The following METTL6 variants were observed in gnomAD, a reference collection of about 807,000 sequenced individuals.
METTL6 encodes tRNA N(3)-cytidine methyltransferase METTL6.
In METTL6, 22 loss-of-function variants were observed where a neutral mutation model predicts 26.4. The ratio of observed to expected loss-of-function variants is 0.83; its 90% confidence interval spans 0.59 to 1.19. METTL6 has a LOEUF of 1.19. Ranked by LOEUF, METTL6 falls within the 50% of genes most tolerant of loss-of-function variation. The pLI is 0.00. For missense variants in METTL6, 304 were observed against 324.8 expected (o/e 0.94, Z 0.49); for synonymous variants, 109 against 116.2 (o/e 0.94, Z 0.40).
intron 6 of METTL6, among the ~76,000 whole-genome samples, chr3:15,400,732 AT>A (rs1699617468): frequency 6.6e-6 from 1 of 152,254 alleles, no homozygotes; most frequent in South Asian, 2.1e-4. Context: ...TCAGAAAAGT[AT>A]AAAGAAGAAA....
intron 6 of METTL6, among the ~76,000 whole-genome samples, chr3:15,399,010 G>A (rs1037278699): frequency 1.3e-5 from 2 of 152,130 alleles, no homozygotes; most frequent in African/African-American, 2.4e-5. Flanking sequence ...AAACCAAGAA[G>A]GTGAGGAAAG....
At chr3:15,390,934 G>A (rs571589354) in intron 6 of METTL6, among the ~76,000 whole-genome samples, 3 of 152,066 alleles carry the variant, frequency 2.0e-5, no homozygotes, top group Non-Finnish European at 4.4e-5. Context: ...GAAGGGTAGT[G>A]TATGCAGAGG....
At chr3:15,424,324 T>C (rs2061673619) in intron 3 of METTL6, among the ~76,000 whole-genome samples, 1 of 152,224 alleles carries the variant, frequency 6.6e-6, no homozygotes, top group Admixed American at 6.5e-5. Flanking sequence ...TGGAGTGCAG[T>C]GCTGCAATCT....
At chr3:15,408,733 C>T (rs1235418032), downstream of METTL6, among the ~76,000 whole-genome samples, 1 of 152,004 alleles carries the variant, frequency 6.6e-6, no homozygotes, top group Admixed American at 6.6e-5. Flanking sequence ...TACCACCATA[C>T]CTGGCTAATT....
intron 4 of METTL6, chr3:15,415,362 G>T: frequency 1.3e-6 from 1 of 764,114 alleles, no homozygotes; most frequent in Non-Finnish European, 2.1e-6. Context: ...TTGCTATGTT[G>T]GCCAGGCTGG....
chr3:15,394,188 C>T (rs201985689), intron 6 of METTL6, among the ~76,000 whole-genome samples: 1 of 152,170 alleles, frequency 6.6e-6, no homozygotes, highest in Non-Finnish European at 1.5e-5. Context: ...TGTTATTGGT[C>T]TATTCAGAGA....
intron 6 of METTL6, among the ~76,000 whole-genome samples, chr3:15,401,803 C>A (rs959155323): frequency 2.0e-5 from 3 of 152,124 alleles, no homozygotes; most frequent in African/African-American, 4.8e-5. Context: ...ACCCTTAGTT[C>A]TAGGAATTGC....
chr3:15,416,647 C>T (rs529499496), intron 3 of METTL6, among the ~76,000 whole-genome samples: 10 of 152,242 alleles, frequency 6.6e-5, no homozygotes, highest in African/African-American at 2.4e-4. Context: ...GAGATGCTCC[C>T]GCAGTTCTTC....
At chr3:15,413,585 A>C in intron 5 of METTL6, 1 of 1,137,856 alleles carries the variant, frequency 8.8e-7, no homozygotes, top group Non-Finnish European at 1.1e-6. Flanking sequence ...AACAACAAAA[A>C]AACCAAACCC....
chr3:15,387,589 TA>T (rs1259942321), intron 6 of METTL6, among the ~76,000 whole-genome samples: 4 of 152,106 alleles, frequency 2.6e-5, no homozygotes, highest in African/African-American at 7.2e-5. Flanking sequence ...AAATGCAGAT[TA>T]GTAGGAAAAA....
At chr3:15,407,736 C>T (rs1370930504), downstream of METTL6, among the ~76,000 whole-genome samples, 2 of 152,174 alleles carry the variant, frequency 1.3e-5, no homozygotes, top group Admixed American at 1.3e-4. Flanking sequence ...ACTTATTTGA[C>T]TAGTCCTTTG....
At chr3:15,404,909 C>T (rs1344987077), downstream of METTL6, among the ~76,000 whole-genome samples, 2 of 152,180 alleles carry the variant, frequency 1.3e-5, no homozygotes, top group African/African-American at 4.8e-5. Flanking sequence ...TGAGAAATGT[C>T]TGCTCCCCAA....
intron 6 of METTL6, among the ~76,000 whole-genome samples, chr3:15,391,602 C>T (rs1412335365): frequency 6.6e-6 from 1 of 151,488 alleles, no homozygotes; most frequent in Non-Finnish European, 1.5e-5. Flanking sequence ...CACCCAATAA[C>T]TCGTCATTTA....
At chr3:15,415,634 C>T in intron 4 of METTL6, 138 bp downstream of exon 4, 5 of 1,607,936 alleles carry the variant, frequency 3.1e-6, no homozygotes, top group Non-Finnish European at 4.3e-6. Context: ...GGACCCCTTT[C>T]TATACACTCA....
Position 15,411,974 on chromosome 3 carries a change from A to G in METTL6, c.674-537T>C, listed in dbSNP as rs142198358. ...GAGACAGGGTTTCGCCATGTTGGCC[A>G]GGCTGGTCTCAAACCCCTGACCTCA... is the stretch of plus-strand genomic sequence containing the variant. On this transcript the variant is annotated intron_variant, in intron 5 of 5. Coordinates refer to ENST00000383790, the MANE Select transcript of METTL6 (RefSeq NM_152396.4). Among the ~76,000 whole-genome samples the G allele has an allele frequency of 4.2e-3, 640 of 152,284 alleles. 7 individuals carry two copies. The highest frequency in any genetic ancestry group is 0.014 in the African/African-American group (602 of 41,556).
In METTL6 at chr3:15,426,483, T is replaced by C. The variant is rs1473385120; in HGVS notation, c.29A>G (p.Gln10Arg). ...TTCTTCAGAGGTGAGAATCCTTGCCTGCAGCCCTTTCCTTTGCAAAGAAGC... is the reference window on the plus strand; with the variant it reads ...TTCTTCAGAGGTGAGAATCCTTGCCCGCAGCCCTTTCCTTTGCAAAGAAGC... MASLQRKGLQARILTSEEEE... is the reference protein window; with the variant it reads MASLQRKGLRARILTSEEEE... The change falls in exon 2 of 6, where the codon CAG becomes CGG. Residue 10 changes from glutamine to arginine, a missense_variant. Physicochemically the swap from Gln to Arg is conservative, Grantham distance 43 (BLOSUM62 1). Coordinates refer to ENST00000383790, the MANE Select transcript of METTL6 (RefSeq NM_152396.4). 1.9e-6 allele frequency: 3 copies of C among 1,614,108 alleles called. No homozygotes were observed. The East Asian group carries it at 6.7e-5, about 36-fold the overall frequency.
At chr3:15,401,519 G>C (rs1300967147) in intron 6 of METTL6, among the ~76,000 whole-genome samples, 1 of 126,728 alleles carries the variant, frequency 7.9e-6, no homozygotes, top group Non-Finnish European at 1.6e-5. Context: ...GAAGGATACA[G>C]TGAGCCATGT....
rs143958887 is a variant in METTL6 at position 15,397,252 on chromosome 3, C to T, written c.*12-13065G>A. ...CTCAGACTGCTGTGCTAGCAATGAG[C>T]GAGGCTCCGTGGGCGTAGGACCCTC... On this transcript the variant is annotated intron_variant, in intron 6 of 6. Coordinates refer to the METTL6 transcript ENST00000443029. 3.9e-4 allele frequency among the ~76,000 whole-genome samples: 60 copies of T among 152,306 alleles called. 2 individuals are homozygous for T. In the East Asian group the frequency reaches 9.5e-3, roughly 24 times the overall value.
At chr3:15,408,344 T>C (rs1183197611), downstream of METTL6, among the ~76,000 whole-genome samples, 1 of 152,258 alleles carries the variant, frequency 6.6e-6, no homozygotes, top group African/African-American at 2.4e-5. Flanking sequence ...TATGTTAAGC[T>C]TCTATGTTCA....
Sources: gnomAD v4.1 joint callset for allele counts (sites outside exome capture counted in the v4.1 genomes callset) on GRCh38, gnomAD v4.1.1 for gene constraint, MANE v1.5 for transcripts, NCBI Gene and HGNC (gene_info 2026-07-23, HGNC 2026-07-21) for gene names.